The following PTGFRN variants were observed in gnomAD, a reference collection of about 807,000 sequenced individuals.
PTGFRN encodes prostaglandin F2 receptor negative regulator.
PTGFRN carries 35 observed loss-of-function variants against 83.2 expected under a neutral mutation model. That is an observed-to-expected ratio of 0.42 (90% CI 0.32 to 0.56). The LOEUF (loss-of-function observed/expected upper bound fraction) is 0.56. PTGFRN is among the 20% of genes least tolerant of loss of function. The probability of loss-of-function intolerance (pLI) is 0.11; values close to 1 mark genes in which losing one functional copy is unlikely to be tolerated. For missense variants in PTGFRN, 1,051 were observed against 1,179.5 expected, an observed-to-expected ratio of 0.89 and a Z score of 1.60; for synonymous variants, 519 against 498.6, an observed-to-expected ratio of 1.04 and a Z score of -0.55.
At chr1:116,985,323 C>G (rs1280284971) in intron 8 of PTGFRN, among the ~76,000 whole-genome samples, 3 of 152,148 alleles carry the variant, frequency 2.0e-5, no homozygotes, top group Non-Finnish European at 4.4e-5. Flanking sequence ...AGAGAGCAGC[C>G]TTGAGAGAGA....
In PTGFRN at chr1:116,941,893, G is replaced by A. The variant is rs758822929; in HGVS notation, c.228G>A (p.Val76=). The A allele has an allele frequency of 2.5e-6, 4 of 1,614,152 alleles. No homozygotes were observed. The highest frequency in any genetic ancestry group is 3.4e-6 in the Non-Finnish European group (4 of 1,180,020). Residue 76 remains valine (V), a synonymous_variant, in exon 2 of 9, where the codon GTG becomes GTA. Coordinates refer to ENST00000393203, the MANE Select transcript of PTGFRN (RefSeq NM_020440.4). This position sits in a 1 kb window ranked among gnomAD's most constrained non-coding sequence, Gnocchi z 5.0. Reference sequence around the variant, plus strand: ...TGGAGCTTGCAAGCACCTGGGAGGTGGGGTTCCCAGCCCAGCTGTACCAGG... The same window carrying A: ...TGGAGCTTGCAAGCACCTGGGAGGTAGGGTTCCCAGCCCAGCTGTACCAGG... ...SFVELASTWE[V]GFPAQLYQER... is the part of the protein sequence containing the mutation.
At chr1:116,920,396 A>C in intron 1 of PTGFRN, among the ~76,000 whole-genome samples, 1 of 152,202 alleles carries the variant, frequency 6.6e-6, no homozygotes, top group South Asian at 2.1e-4. Context: ...TTGATTGAGG[A>C]TATCAGCCAT....
At chr1:116,985,656 C>T (rs1651449449) in intron 8 of PTGFRN, among the ~76,000 whole-genome samples, 1 of 150,112 alleles carries the variant, frequency 6.7e-6, no homozygotes. Flanking sequence ...TGCAGTGAGC[C>T]GAGATCGCAC....
chr1:116,982,656 A>T (rs1358205982), intron 7 of PTGFRN, among the ~76,000 whole-genome samples: 1 of 152,124 alleles, frequency 6.6e-6, no homozygotes, highest in Non-Finnish European at 1.5e-5. Context: ...AGAAGAAGGC[A>T]AGTCGAGGTG....
At chr1:116,912,425 A>G (rs1649295730) in intron 1 of PTGFRN, among the ~76,000 whole-genome samples, 1 of 152,226 alleles carries the variant, frequency 6.6e-6, no homozygotes, top group Non-Finnish European at 1.5e-5. Context: ...GTTGATAAAC[A>G]AGATCATCTT....
intron 4 of PTGFRN, among the ~76,000 whole-genome samples, chr1:116,951,422 T>G (rs2101069697): frequency 6.6e-6 from 1 of 152,356 alleles, no homozygotes; most frequent in African/African-American, 2.4e-5. Flanking sequence ...TTTTCCTGAC[T>G]GATGCTAACA....
chr1:116,949,304 G>A lies in PTGFRN; in HGVS notation c.945G>A (p.Trp315Ter). 1 of 1,614,276 alleles carries A rather than the reference G, an allele frequency of 6.2e-7. No homozygotes were observed. Among genetic ancestry groups the A allele is most frequent in the Non-Finnish European group, 8.5e-7 (1 of 1,180,048 alleles). Reference sequence around the variant, plus strand: ...ATGACGTCCGGCCCGAGGTGACGTGGTCCTTCAGCAGGATGCCTGACAGCA... The same window carrying A: ...ATGACGTCCGGCCCGAGGTGACGTGATCCTTCAGCAGGATGCCTGACAGCA... ...RADDVRPEVT[W>*]SFSRMPDSTL... is the part of the protein sequence containing the mutation. Residue 315 changes from tryptophan (W) to a stop codon, truncating the protein, a stop_gained, in exon 4 of 9, where the codon TGG (tryptophan) becomes TGA (stop). Coordinates refer to ENST00000393203, the MANE Select transcript of PTGFRN (RefSeq NM_020440.4). LOFTEE classifies it high-confidence loss of function.
chr1:116,966,088 A>T (rs1253092176), intron 5 of PTGFRN, among the ~76,000 whole-genome samples: 1 of 152,264 alleles, frequency 6.6e-6, no homozygotes, highest in East Asian at 1.9e-4. Flanking sequence ...AAGGATAAAA[A>T]GAATGTATCT....
At chr1:116,930,620 T>C (rs952396625) in intron 1 of PTGFRN, among the ~76,000 whole-genome samples, 4 of 152,228 alleles carry the variant, frequency 2.6e-5, no homozygotes, top group African/African-American at 7.2e-5. Flanking sequence ...CTCACAGGTC[T>C]ACCAGTTGAC....
At chr1:116,934,652 G>T (rs138051825) in intron 1 of PTGFRN, among the ~76,000 whole-genome samples, 1 of 151,390 alleles carries the variant, frequency 6.6e-6, no homozygotes, top group South Asian at 2.1e-4. Flanking sequence ...ACCAATATCT[G>T]GATCCCTGGA....
intron 7 of PTGFRN, among the ~76,000 whole-genome samples, chr1:116,981,413 T>C (rs965435447): frequency 6.6e-6 from 1 of 152,184 alleles, no homozygotes; most frequent in South Asian, 2.1e-4. Flanking sequence ...CAAGTTTCTA[T>C]GTGGAGACTG....
chr1:116,936,892 C>T (rs1649933411), intron 1 of PTGFRN, among the ~76,000 whole-genome samples: 1 of 152,144 alleles, frequency 6.6e-6, no homozygotes, highest in South Asian at 2.1e-4. Flanking sequence ...AATCACTACT[C>T]ATATGGAACT....
intron 7 of PTGFRN, among the ~76,000 whole-genome samples, chr1:116,975,233 G>A (rs1335616606): frequency 2.0e-5 from 3 of 152,220 alleles, no homozygotes; most frequent in Admixed American, 6.5e-5. Context: ...AGGGAAGCTC[G>A]AACTGGGTGG....
intron 4 of PTGFRN, among the ~76,000 whole-genome samples, chr1:116,957,492 T>A (rs185308980): frequency 1.0e-3 from 153 of 152,268 alleles, no homozygotes; most frequent in African/African-American, 3.4e-3. Flanking sequence ...ACATGTTTTT[T>A]TAATTGACAG....
At chr1:116,940,817 T>TGCACAAAGGA (rs1456499044) in intron 1 of PTGFRN, among the ~76,000 whole-genome samples, 1 of 152,260 alleles carries the variant, frequency 6.6e-6, no homozygotes, top group African/African-American at 2.4e-5. Context: ...GAGCTATATG[T>TGCACAAAGGA]GTTTATTTGG....
At chr1:116,936,095 T>A (rs932305543) in intron 1 of PTGFRN, among the ~76,000 whole-genome samples, 1 of 152,200 alleles carries the variant, frequency 6.6e-6, no homozygotes, top group Non-Finnish European at 1.5e-5. Flanking sequence ...TCTTTTCCTC[T>A]TTTTCCCTCA....
intron 7 of PTGFRN, among the ~76,000 whole-genome samples, chr1:116,980,025 A>AC (rs1553181885): frequency 4.6e-5 from 7 of 151,498 alleles, no homozygotes; most frequent in African/African-American, 1.7e-4. Flanking sequence ...TTACAAGAAA[A>AC]AAACAACCCC....
At chr1:116,930,448 C>T (rs1180558862) in intron 1 of PTGFRN, among the ~76,000 whole-genome samples, 2 of 152,154 alleles carry the variant, frequency 1.3e-5, no homozygotes, top group Non-Finnish European at 1.5e-5. Flanking sequence ...TCCTTTTTAC[C>T]CCCCACTCCC....
intron 1 of PTGFRN, among the ~76,000 whole-genome samples, chr1:116,935,189 C>CT (rs893988361): frequency 2.6e-5 from 4 of 152,148 alleles, no homozygotes; most frequent in African/African-American, 7.2e-5. Flanking sequence ...CTGCTGTTGC[C>CT]TTTTTTTCGT....
Sources: gnomAD v4.1 joint callset for allele counts (sites outside exome capture counted in the v4.1 genomes callset) on GRCh38, gnomAD v4.1.1 for gene constraint, Gnocchi (gnomAD v3.1) non-coding constraint, MANE v1.5 for transcripts, NCBI Gene and HGNC (gene_info 2026-07-23, HGNC 2026-07-21) for gene names.